DLGAP2: variants seen among roughly 807,000 people sequenced by gnomAD.
DLGAP2 encodes DLG associated protein 2.
A neutral mutation model predicts 100.3 loss-of-function variants in DLGAP2; 26 were observed. The observed-to-expected ratio is 0.26, with a 90% CI of 0.19 to 0.36. DLGAP2 has a LOEUF of 0.36. DLGAP2 is among the 10% of genes least tolerant of loss of function. The probability of loss-of-function intolerance (pLI) is 1.00; values close to 1 mark genes in which losing one functional copy is unlikely to be tolerated. For missense variants in DLGAP2, 1,858 were observed against 1,453.2 expected (o/e 1.28, Z -4.53); for synonymous variants, 886 against 630.1 (o/e 1.41, Z -6.08).
At chr8:966,293 G>A (rs2654017) in intron 2 of DLGAP2, among the ~76,000 whole-genome samples, 7,173 of 152,268 alleles carry the variant, frequency 0.047, 542 homozygotes, top group African/African-American at 0.16. Context: ...GAAGCTTCAT[G>A]AATGTAACTT....
intron 4 of DLGAP2, among the ~76,000 whole-genome samples, chr8:1,519,966 C>T (rs192801715): frequency 1.3e-5 from 2 of 152,350 alleles, no homozygotes; most frequent in South Asian, 2.1e-4. Context: ...GGTTTCCAGT[C>T]TGCAGGAGGA....
rs116184835 is a variant in DLGAP2, at chr8:1,572,597, G to C, written c.1442+6703G>C. Among the ~76,000 whole-genome samples the C allele has an allele frequency of 6.6e-3, 897 of 136,732 alleles. 20 individuals carry two copies. The highest frequency in any genetic ancestry group is 0.019 in the African/African-American group (674 of 35,248). The allele number at this position is 136,732 out of a possible 152,430, so 89.7% of individuals were successfully genotyped here. On this transcript the variant is annotated intron_variant, in intron 6 of 14. Transcript: ENST00000637795. ...AACTGTGGGGGCGTCTGCTGGTATGGAGAGGAGAGGGTGAACTGTGGGGGC... is the reference window on the plus strand; with the variant it reads ...AACTGTGGGGGCGTCTGCTGGTATGCAGAGGAGAGGGTGAACTGTGGGGGC...
intron 4 of DLGAP2, among the ~76,000 whole-genome samples, chr8:1,543,793 G>A (rs1177064264): frequency 1.3e-5 from 2 of 152,222 alleles, no homozygotes; most frequent in Non-Finnish European, 2.9e-5. Context: ...TAACCATTAA[G>A]TCTGCCAATC....
At chr8:952,206 C>T in intron 2 of DLGAP2, among the ~76,000 whole-genome samples, 1 of 152,196 alleles carries the variant, frequency 6.6e-6, no homozygotes, top group East Asian at 1.9e-4. Context: ...GGATGTGCCT[C>T]CTTGTGACCC....
intron 2 of DLGAP2, among the ~76,000 whole-genome samples, chr8:964,337 C>T (rs1342759812): frequency 6.6e-6 from 1 of 152,252 alleles, no homozygotes; most frequent in Non-Finnish European, 1.5e-5. Context: ...CCTGGTGGCG[C>T]TGTACTGTCG....
intron 2 of DLGAP2, among the ~76,000 whole-genome samples, chr8:1,223,894 T>C (rs1798364940): frequency 6.6e-6 from 1 of 152,208 alleles, no homozygotes; most frequent in African/African-American, 2.4e-5. Context: ...AAACAATGTG[T>C]GAGATGGAGA....
At chr8:931,723 C>T (rs1242249053) in intron 2 of DLGAP2, among the ~76,000 whole-genome samples, 1 of 152,202 alleles carries the variant, frequency 6.6e-6, no homozygotes, top group Non-Finnish European at 1.5e-5. Flanking sequence ...TCTTACTGGG[C>T]TGCTGAAACA....
chr8:1,209,760 T>G (rs950300840), intron 2 of DLGAP2, among the ~76,000 whole-genome samples: 1 of 152,152 alleles, frequency 6.6e-6, no homozygotes, highest in African/African-American at 2.4e-5. Flanking sequence ...TAGTCATAAG[T>G]GAGCTTATTT....
chr8:786,023 C>G (rs1339960809), intron 1 of DLGAP2, among the ~76,000 whole-genome samples: 2 of 152,356 alleles, frequency 1.3e-5, no homozygotes, highest in South Asian at 4.1e-4. Flanking sequence ...TGAGCCTTTT[C>G]TGCAGAGAGC....
At chr8:938,879 C>T (rs573841254) in intron 2 of DLGAP2, among the ~76,000 whole-genome samples, 1 of 152,226 alleles carries the variant, frequency 6.6e-6, no homozygotes, top group African/African-American at 2.4e-5. Flanking sequence ...CAGAAACTCC[C>T]AGGCCTCTGC....
intron 3 of DLGAP2, among the ~76,000 whole-genome samples, chr8:1,315,188 C>G (rs545688165): frequency 1.2e-4 from 18 of 152,376 alleles, no homozygotes; most frequent in Non-Finnish European, 1.2e-4. Context: ...TCCCAACACT[C>G]AAGAAACTCG....
At chr8:1,070,712 AG>A (rs1343181386) in intron 2 of DLGAP2, among the ~76,000 whole-genome samples, 1 of 152,216 alleles carries the variant, frequency 6.6e-6, no homozygotes, top group Admixed American at 6.5e-5. Context: ...CCATGGGGAA[AG>A]TTAGCCTTCA....
chr8:906,088 G>T (rs142258936), intron 1 of DLGAP2, among the ~76,000 whole-genome samples: 2 of 152,228 alleles, frequency 1.3e-5, no homozygotes, highest in African/African-American at 4.8e-5. Context: ...CACTGTGGAC[G>T]TGCGTGGGGC....
intron 2 of DLGAP2, among the ~76,000 whole-genome samples, chr8:924,663 A>T (rs1036109561): frequency 1.3e-5 from 2 of 150,118 alleles, no homozygotes; most frequent in Non-Finnish European, 3.0e-5. Flanking sequence ...GGTCACTGCA[A>T]CCTCCACCTC....
At chr8:1,237,488 C>G (rs369649470) in intron 2 of DLGAP2, among the ~76,000 whole-genome samples, 7 of 147,360 alleles carry the variant, frequency 4.8e-5, no homozygotes, top group African/African-American at 1.3e-4. Context: ...CTAGTTCTCT[C>G]TCACACATAG....
At chr8:888,132 C>T (rs774876306) in intron 1 of DLGAP2, among the ~76,000 whole-genome samples, 24 of 152,140 alleles carry the variant, frequency 1.6e-4, no homozygotes, top group Admixed American at 3.9e-4. Context: ...ATTTCAGTAA[C>T]GTGATCTTCA....
intron 4 of DLGAP2, among the ~76,000 whole-genome samples, chr8:1,513,852 C>T (rs574999742): frequency 1.0e-5 from 1 of 96,356 alleles, no homozygotes; most frequent in Admixed American, 1.2e-4. Context: ...TTCTTCCAGA[C>T]AATGGCGGTC....
intron 8 of DLGAP2, among the ~76,000 whole-genome samples, chr8:1,634,216 T>G (rs78604328): frequency 6.3e-4 from 96 of 152,332 alleles, no homozygotes; most frequent in Non-Finnish European, 1.0e-3. Context: ...ATAGATAATT[T>G]ATTTGCATAA....
At chr8:1,436,581 C>G (rs1797636454) in intron 3 of DLGAP2, among the ~76,000 whole-genome samples, 1 of 152,196 alleles carries the variant, frequency 6.6e-6, no homozygotes, top group Non-Finnish European at 1.5e-5. Context: ...TCCATATTAA[C>G]CATCACAGTA....
Sources: gnomAD v4.1 joint callset for allele counts (sites outside exome capture counted in the v4.1 genomes callset) on GRCh38, gnomAD v4.1.1 for gene constraint, MANE v1.5 for transcripts, NCBI Gene and HGNC (gene_info 2026-07-23, HGNC 2026-07-21) for gene names.